The following VPS54 variants were observed in gnomAD, a reference collection of about 807,000 sequenced individuals.
The protein encoded by VPS54 is VPS54 subunit of GARP complex, also known as vacuolar protein sorting-associated protein 54.
A neutral mutation model predicts 121.5 loss-of-function variants in VPS54; 45 were observed. That is an observed-to-expected ratio of 0.37 (90% CI 0.29 to 0.47). The LOEUF (loss-of-function observed/expected upper bound fraction) is 0.47, where lower values mean the gene tolerates loss of function less well. VPS54 is among the 20% of genes least tolerant of loss of function. The pLI is 0.99. For missense variants in VPS54, 1,090 were observed against 1,131.4 expected, an observed-to-expected ratio of 0.96 and a Z score of 0.52; for synonymous variants, 371 against 385.8, an observed-to-expected ratio of 0.96 and a Z score of 0.45.
chr2:63,912,684 T>C lies in VPS54; in HGVS notation c.2423-23A>G, dbSNP rs374121683. The C allele has an allele frequency of 9.1e-6, 14 of 1,543,804 alleles. No individual in the cohort carries two copies. The South Asian group carries it at 1.4e-4, about 15-fold the overall frequency. On this transcript the variant is annotated intron_variant, in intron 18 of 22. Transcript: ENST00000272322. ...GAGCTGAAGATCCAGGGAGTAGATATATAATGGAGAAATAAAAAAAAAAAA... is the reference window on the plus strand; with the variant it reads ...GAGCTGAAGATCCAGGGAGTAGATACATAATGGAGAAATAAAAAAAAAAAA...
intron 3 of VPS54, among the ~76,000 whole-genome samples, chr2:63,976,372 C>T (rs199788085): frequency 7.1e-6 from 1 of 140,050 alleles, no homozygotes; most frequent in East Asian, 2.0e-4. Context: ...AAACAAAAAA[C>T]AAAAAAACAC....
intron 7 of VPS54, among the ~76,000 whole-genome samples, chr2:63,950,276 C>A (rs1185405849): frequency 6.6e-6 from 1 of 152,152 alleles, no homozygotes; most frequent in Admixed American, 6.6e-5. Flanking sequence ...TCCAGACTTT[C>A]GTGATGTTCT....
At chr2:63,933,575 T>G (rs1674314347) in intron 12 of VPS54, 98 bp downstream of exon 12, 2 of 1,144,570 alleles carry the variant, frequency 1.7e-6, no homozygotes, top group African/African-American at 3.1e-5. Context: ...ATTCTAAAAT[T>G]TACATGGTTT....
rs184967009 is a variant in VPS54 at position 63,937,477 on chromosome 2, A to G, written c.1399-3464T>C. Reference sequence around the variant, plus strand: ...CATACCCATTAGGATGGCTAGTCTCACAAAATCCAGAAAATAACAAGTTTT... The same window carrying G: ...CATACCCATTAGGATGGCTAGTCTCGCAAAATCCAGAAAATAACAAGTTTT... On this transcript the variant is annotated intron_variant, in intron 11 of 22. Transcript: ENST00000272322. Among the ~76,000 whole-genome samples, 22 of 152,358 alleles carry G rather than the reference A, an allele frequency of 1.4e-4. 1 individual carries two copies. Among genetic ancestry groups the G allele is most frequent in the Admixed American group, 5.9e-4 (9 of 15,304 alleles).
Position 63,981,158 on chromosome 2 carries a change from T to C in VPS54, c.378+488A>G, listed in dbSNP as rs185693392. On this transcript the variant is annotated intron_variant, in intron 3 of 22. Transcript: ENST00000272322. The stretch of plus-strand genomic sequence containing the variant: ...TACTAATAATCTGAAGATGAATTGA[T>C]AGACCATCTAAAACTCTGCACTATA... Among the ~76,000 whole-genome samples the C allele has an allele frequency of 2.1e-3, 325 of 152,274 alleles. 1 individual carries two copies. Among genetic ancestry groups the C allele is most frequent in the South Asian group, 0.011 (54 of 4,830 alleles).
At chr2:63,928,592 C>A (rs1187067864) in intron 12 of VPS54, among the ~76,000 whole-genome samples, 2 of 152,154 alleles carry the variant, frequency 1.3e-5, no homozygotes, top group African/African-American at 4.8e-5. Context: ...TAGGAAGAAA[C>A]TGCATCAATT....
At chr2:63,922,091 T>C (rs927508817) in intron 12 of VPS54, among the ~76,000 whole-genome samples, 3 of 152,246 alleles carry the variant, frequency 2.0e-5, no homozygotes, top group African/African-American at 7.2e-5. Flanking sequence ...TTACCATGCT[T>C]AAGCGCTAGG....
At chr2:63,936,476 T>C (rs995738302) in intron 11 of VPS54, among the ~76,000 whole-genome samples, 5 of 152,156 alleles carry the variant, frequency 3.3e-5, no homozygotes, top group Non-Finnish European at 7.4e-5. Context: ...ATCTTGAGAA[T>C]GGAGTTAATG....
At chr2:63,969,269 T>C (rs1187279263) in intron 4 of VPS54, among the ~76,000 whole-genome samples, 1 of 152,198 alleles carries the variant, frequency 6.6e-6, no homozygotes, top group African/African-American at 2.4e-5. Flanking sequence ...GGCTTTATGC[T>C]ATCTCAGTGG....
chr2:63,962,303 A>T lies in VPS54; in HGVS notation c.765T>A (p.Leu255=), dbSNP rs1353569357. 1 of 1,614,080 alleles carries T rather than the reference A, an allele frequency of 6.2e-7. No individual in the cohort carries two copies. The highest frequency in any genetic ancestry group is 1.1e-5 in the South Asian group (1 of 91,084). ...TATCAATCTGTGCAATTTTATCTCG[A>T]AGCATTTTTACAGCCTGGGAAGTTT... ...LRKTSQAVKM[L]RDKIAQIDKV... is the part of the protein sequence containing the mutation. The change falls in exon 7 of 23, where the codon CTT becomes CTA. Residue 255 remains leucine, a synonymous_variant. Transcript: ENST00000272322.
At chr2:63,992,506 C>T (rs1677376921) in intron 1 of VPS54, among the ~76,000 whole-genome samples, 1 of 152,244 alleles carries the variant, frequency 6.6e-6, no homozygotes, top group Non-Finnish European at 1.5e-5. Flanking sequence ...CGGCCACTGC[C>T]ACGCCTCCTG....
intron 1 of VPS54, among the ~76,000 whole-genome samples, chr2:64,005,761 G>C (rs57252448): frequency 0.1 from 15,296 of 152,094 alleles, 1,865 homozygotes; most frequent in African/African-American, 0.29. Flanking sequence ...CCCCGGTTGA[G>C]AACCACTGAG....
chr2:63,988,568 C>T (rs1051201927), intron 1 of VPS54, among the ~76,000 whole-genome samples: 14 of 152,142 alleles, frequency 9.2e-5, no homozygotes, highest in East Asian at 1.9e-4. Flanking sequence ...TAATTTCTTA[C>T]GCCTGTCTTT....
At chr2:63,937,614 C>A (rs779522085) in intron 11 of VPS54, among the ~76,000 whole-genome samples, 7 of 151,982 alleles carry the variant, frequency 4.6e-5, no homozygotes, top group South Asian at 2.1e-4. Flanking sequence ...ATAGGATGAC[C>A]GTATGATCCA....
chr2:63,906,602 A>C (rs747540500), intron 20 of VPS54, among the ~76,000 whole-genome samples: 1 of 152,186 alleles, frequency 6.6e-6, no homozygotes, highest in Non-Finnish European at 1.5e-5. Context: ...GTATTTGTTA[A>C]TTTCCATGGT....
chr2:63,920,109 G>C, intron 14 of VPS54, 114 bp from the exon 15 acceptor site: 4 of 788,942 alleles, frequency 5.1e-6, no homozygotes, highest in Non-Finnish European at 7.8e-6. Context: ...AAAAAGTGCT[G>C]AACACTTTAA....
chr2:63,966,115 A>G (rs570338081), intron 5 of VPS54, 149 bp from the exon 6 acceptor site: 2 of 752,102 alleles, frequency 2.7e-6, no homozygotes, highest in Non-Finnish European at 4.2e-6. Context: ...CTTTACACAA[A>G]TATCTATAAG....
chr2:63,916,188 T>C lies in VPS54; in HGVS notation c.2228+712A>G, dbSNP rs548375921. Among the ~76,000 whole-genome samples the C allele has an allele frequency of 7.2e-5, 11 of 152,290 alleles. No individual in the cohort carries two copies. In the South Asian group the frequency reaches 2.3e-3, roughly 32 times the overall value. ...TCCCCAATATCTTTATTTTACAATG[T>C]AGTTGTAAAGATCAAATGAGATCAC... On this transcript the variant is annotated intron_variant, in intron 16 of 22. Coordinates refer to ENST00000272322, the MANE Select transcript of VPS54 (RefSeq NM_016516.3).
At chr2:63,897,239 G>C (rs1211911980) in intron 22 of VPS54, among the ~76,000 whole-genome samples, 1 of 152,104 alleles carries the variant, frequency 6.6e-6, no homozygotes, top group Admixed American at 6.5e-5. Flanking sequence ...GGGTAACTAA[G>C]GAAGTGCTAC....
Sources: allele counts gnomAD v4.1 joint callset (sites outside exome capture counted in the v4.1 genomes callset), GRCh38; gene constraint gnomAD v4.1.1; transcripts MANE v1.5; gene names NCBI Gene and HGNC (gene_info 2026-07-23, HGNC 2026-07-21).